Variants in WDR49 observed in about 807,000 individuals in gnomAD.
The protein encoded by WDR49 is WD repeat domain 49.
In WDR49, 107 loss-of-function variants were observed where a neutral mutation model predicts 119.5. That is an observed-to-expected ratio of 0.90 (90% CI 0.77 to 1.05). The LOEUF (loss-of-function observed/expected upper bound fraction) is 1.05. Among genes scored for constraint, WDR49 ranks in the 50% least tolerant of loss-of-function variants. WDR49 has a pLI of 0.00. For missense variants in WDR49, 1,240 were observed against 1,220.5 expected (o/e 1.02, Z -0.24); for synonymous variants, 425 against 418.8 (o/e 1.01, Z -0.18).
Position 167,500,297 on chromosome 3 carries a change from T to C in WDR49, c.2887A>G (p.Thr963Ala). 1.9e-6 allele frequency: 3 copies of C among 1,605,552 alleles called. No homozygotes were observed. Among genetic ancestry groups the C allele is most frequent in the Non-Finnish European group, 2.5e-6 (3 of 1,177,312 alleles). The stretch of plus-strand genomic sequence containing the variant: ...GCTCCAATGTTTAATGACCTAAATG[T>C]ACCTTCACAACAGCAGGTTTTAGAG... ...YGEVIKKSFS[T>A]FRSLNIGALE... The change falls in exon 18 of 19, where the codon ACA (threonine) becomes GCA (alanine). Residue 963 changes from threonine to alanine, a missense_variant and splice_region_variant. By Grantham distance (58) the Thr-to-Ala change is moderately conservative. Coordinates refer to ENST00000682715, the MANE Select transcript of WDR49 (RefSeq NM_001366157.1).
At chr3:167,608,354 A>T (rs115843042) in intron 5 of WDR49, among the ~76,000 whole-genome samples, 3 of 152,228 alleles carry the variant, frequency 2.0e-5, no homozygotes, top group African/African-American at 4.8e-5. Context: ...TTACTTCGTC[A>T]TGTGTTTCCC....
At chr3:167,481,042 CA>C (rs1750700454) in intron 18 of WDR49, among the ~76,000 whole-genome samples, 1 of 141,226 alleles carries the variant, frequency 7.1e-6, no homozygotes, top group Non-Finnish European at 1.5e-5. Flanking sequence ...GCCTCTTACT[CA>C]AGGATTTACC....
chr3:167,602,914 T>C (rs2108306633), intron 6 of WDR49, among the ~76,000 whole-genome samples: 1 of 152,260 alleles, frequency 6.6e-6, no homozygotes, highest in East Asian at 1.9e-4. Flanking sequence ...GCTATAGAAG[T>C]TTGTAGCCTA....
intron 3 of WDR49, among the ~76,000 whole-genome samples, chr3:167,623,155 G>A (rs1372265342): frequency 2.6e-5 from 4 of 151,804 alleles, no homozygotes; most frequent in Admixed American, 6.6e-5. Context: ...AAAAAATTAC[G>A]GCAAAGGTAA....
intron 18 of WDR49, among the ~76,000 whole-genome samples, chr3:167,488,153 C>T (rs932763494): frequency 9.7e-6 from 1 of 102,608 alleles, no homozygotes; most frequent in African/African-American, 6.4e-5. Context: ...CAAACACACA[C>T]ACACACACAC....
intron 8 of WDR49, among the ~76,000 whole-genome samples, chr3:167,564,217 T>C (rs1330635972): frequency 1.3e-5 from 2 of 152,220 alleles, no homozygotes; most frequent in Non-Finnish European, 2.9e-5. Flanking sequence ...ATATAGCTAG[T>C]CTGATTTCAT....
At chr3:167,567,044 C>G (rs1219575624) in intron 8 of WDR49, 1 of 451,738 alleles carries the variant, frequency 2.2e-6, no homozygotes, top group Non-Finnish European at 3.9e-6. Context: ...TTCTGTCGGA[C>G]TTTTTGCTCT....
chr3:167,518,199 T>C (rs1413809185), intron 16 of WDR49, among the ~76,000 whole-genome samples: 2 of 151,876 alleles, frequency 1.3e-5, no homozygotes, highest in African/African-American at 4.8e-5. Flanking sequence ...AACATACGTG[T>C]GCATGTGTCT....
intron 17 of WDR49, among the ~76,000 whole-genome samples, chr3:167,500,939 C>T (rs949898135): frequency 1.3e-4 from 20 of 152,122 alleles, no homozygotes; most frequent in African/African-American, 4.6e-4. Context: ...GTTTTTGTCA[C>T]GATGGTGACT....
intron 7 of WDR49, among the ~76,000 whole-genome samples, chr3:167,584,234 TC>T (rs1289566057): frequency 6.6e-6 from 1 of 152,056 alleles, no homozygotes; most frequent in Non-Finnish European, 1.5e-5. Context: ...TAAGAATGCC[TC>T]CTAAAATATG....
At chr3:167,495,805 A>C (rs1751330460) in intron 18 of WDR49, among the ~76,000 whole-genome samples, 1 of 150,470 alleles carries the variant, frequency 6.6e-6, no homozygotes, top group South Asian at 2.2e-4. Context: ...AGCCAGAATA[A>C]GATGCATCAA....
chr3:167,602,178 G>A lies in WDR49; in HGVS notation c.1224C>T (p.Ala408=), dbSNP rs370189335. Reference sequence around the variant, plus strand: ...GTTTTCTTTCCACAAAGAATTGGACGGCTATTACACTGGCTGAGTGGCCCC... The same window carrying A: ...GTTTTCTTTCCACAAAGAATTGGACAGCTATTACACTGGCTGAGTGGCCCC... ...VLWGHSASVI[A]VQFFVERKQL... The change falls in exon 7 of 19, where the codon GCC becomes GCT. Residue 408 remains alanine, a synonymous_variant. Transcript: ENST00000682715. The A allele has an allele frequency of 6.3e-5, 101 of 1,603,714 alleles. No homozygotes were observed. The highest frequency in any genetic ancestry group is 2.3e-4 in the Admixed American group (14 of 59,884).
intron 11 of WDR49, among the ~76,000 whole-genome samples, chr3:167,535,959 T>C (rs1577224062): frequency 6.6e-6 from 1 of 152,238 alleles, no homozygotes; most frequent in East Asian, 1.9e-4. Context: ...GTGGACATTA[T>C]GTTAGGTGAA....
In WDR49 at chr3:167,536,892, TA is replaced by T; in HGVS notation, c.1931del (p.Leu644TyrfsTer37). 6.6e-7 allele frequency: 1 copy of T among 1,518,508 alleles called. No homozygotes were observed. Among genetic ancestry groups the T allele is most frequent in the Non-Finnish European group, 8.8e-7 (1 of 1,133,290 alleles). The allele number at this position is 1,518,508 out of a possible 1,614,324, so 94.1% of individuals were successfully genotyped here. A position where few individuals can be genotyped will look rare whatever the true frequency, so the allele number is the denominator to read the frequency against. The part of the protein sequence containing the change: ...HHDDILCAAF[L>X]PPQTLVTGSY... ...TACCCGTAACAAGAGTTTGTGGAGG[TA>T]AAAACGCAGCACACAAGATGTCATC... On this transcript the variant is annotated frameshift_variant, in exon 11 of 19. Transcript: ENST00000682715. LOFTEE classifies it high-confidence loss of function.
chr3:167,505,325 C>G lies in WDR49; in HGVS notation c.2866G>C (p.Val956Leu), dbSNP rs1751722967. 1.3e-6 allele frequency: 2 copies of G among 1,516,778 alleles called. No individual in the cohort carries two copies. Among genetic ancestry groups the G allele is most frequent in the Admixed American group, 2.4e-5 (1 of 41,328 alleles). The allele number at this position is 1,516,778 out of a possible 1,614,324, so 94.0% of individuals were successfully genotyped here. The change falls in exon 17 of 19, where the codon GTT becomes CTT. Residue 956 changes from valine (V) to leucine (L), a missense_variant. By Grantham distance (32) the Val-to-Leu change is conservative. Coordinates refer to ENST00000682715, the MANE Select transcript of WDR49 (RefSeq NM_001366157.1). ...TACTTACTGAATGATTTTTTTATAACTTCACCATAATAAGGTTTTTGTGTT... is the reference window on the plus strand; with the variant it reads ...TACTTACTGAATGATTTTTTTATAAGTTCACCATAATAAGGTTTTTGTGTT... ...KETQKPYYGE[V>L]IKKSFSTFRS...
intron 18 of WDR49, among the ~76,000 whole-genome samples, chr3:167,487,674 A>T (rs980973087): frequency 6.6e-6 from 1 of 152,052 alleles, no homozygotes; most frequent in African/African-American, 2.4e-5. Context: ...AGAAAAACTT[A>T]AATCAGCAAG....
chr3:167,517,427 T>A (rs1011889865), intron 16 of WDR49, among the ~76,000 whole-genome samples: 3 of 152,152 alleles, frequency 2.0e-5, no homozygotes, highest in African/African-American at 7.2e-5. Context: ...AAGAAAGGAT[T>A]CCCTATTTAA....
At chr3:167,579,347 C>T (rs1714419369) in intron 7 of WDR49, among the ~76,000 whole-genome samples, 1 of 152,136 alleles carries the variant, frequency 6.6e-6, no homozygotes, top group South Asian at 2.1e-4. Flanking sequence ...GAATACAACA[C>T]TCCCACAAAA....
At chr3:167,629,619 A>C (rs1717279938) in intron 2 of WDR49, among the ~76,000 whole-genome samples, 1 of 152,150 alleles carries the variant, frequency 6.6e-6, no homozygotes, top group South Asian at 2.1e-4. Context: ...TGAGCAAAGT[A>C]AATTAAAAAC....
Sources: gnomAD v4.1 joint callset for allele counts (sites outside exome capture counted in the v4.1 genomes callset) on GRCh38, gnomAD v4.1.1 for gene constraint, MANE v1.5 for transcripts, NCBI Gene and HGNC (gene_info 2026-07-23, HGNC 2026-07-21) for gene names.